SGCZ: variants seen among roughly 807,000 people sequenced by gnomAD.
The protein encoded by SGCZ is zeta-sarcoglycan.
A neutral mutation model predicts 41.3 loss-of-function variants in SGCZ; 40 were observed. The ratio of observed to expected loss-of-function variants is 0.97; its 90% CI spans 0.75 to 1.26. The LOEUF is 1.26. Among genes scored for constraint, SGCZ ranks in the 50% most tolerant of loss-of-function variants. SGCZ has a pLI of 0.00. For synonymous variants in SGCZ, 206 were observed against 137.5 expected, an observed-to-expected ratio of 1.50 and a Z score of -3.49; for missense variants, 552 against 369.8, an observed-to-expected ratio of 1.49 and a Z score of -4.04.
chr8:14,619,650 G>C (rs763007520), intron 1 of SGCZ, among the ~76,000 whole-genome samples: 9 of 151,992 alleles, frequency 5.9e-5, no homozygotes, highest in Non-Finnish European at 1.0e-4. Context: ...ACCAAGAGCA[G>C]ACAAACAGAG....
intron 1 of SGCZ, among the ~76,000 whole-genome samples, chr8:14,883,113 T>G (rs190642758): frequency 2.4e-4 from 36 of 152,156 alleles, no homozygotes; most frequent in Non-Finnish European, 4.6e-4. Context: ...CTTCTCCTGT[T>G]TTAGAGGTAA....
intron 2 of SGCZ, among the ~76,000 whole-genome samples, chr8:14,496,630 T>C (rs1801995772): frequency 6.6e-6 from 1 of 152,166 alleles, no homozygotes; most frequent in Non-Finnish European, 1.5e-5. Context: ...TTGTAGAAAA[T>C]TAATCACATT....
At position 14,193,329 on chromosome 8, in the gene SGCZ, G is replaced by C. The variant is rs560654305; in HGVS notation, c.425-28627C>G. ...CTCCCTCTTTCCTATAAAAAATGCAGCATGCTATTTTTTTTACAATGTTTG... is the reference window on the plus strand; with the variant it reads ...CTCCCTCTTTCCTATAAAAAATGCACCATGCTATTTTTTTTACAATGTTTG... On this transcript the variant is annotated intron_variant, in intron 4 of 7. Coordinates refer to ENST00000382080, the MANE Select transcript of SGCZ (RefSeq NM_139167.4). 2.2e-3 allele frequency among the ~76,000 whole-genome samples: 63 copies of C among 29,158 alleles called. 1 individual carries two copies. Among genetic ancestry groups the C allele is most frequent in the African/African-American group, 7.6e-3 (61 of 8,016 alleles). 19.1% of individuals were successfully genotyped at this position (29,158 alleles called of 152,430 possible).
chr8:14,905,438 G>A (rs986665404), intron 1 of SGCZ, among the ~76,000 whole-genome samples: 2 of 151,762 alleles, frequency 1.3e-5, no homozygotes, highest in African/African-American at 4.8e-5. Context: ...TACTAAGTCC[G>A]AGAGAGAGAG....
intron 1 of SGCZ, among the ~76,000 whole-genome samples, chr8:14,734,140 C>T (rs892994031): frequency 3.9e-5 from 6 of 152,128 alleles, no homozygotes; most frequent in African/African-American, 1.4e-4. Context: ...AGGGCTCTGA[C>T]ATATATTTAG....
chr8:14,699,981 A>G (rs540547358), intron 1 of SGCZ, among the ~76,000 whole-genome samples: 1 of 152,124 alleles, frequency 6.6e-6, no homozygotes, highest in East Asian at 1.9e-4. Context: ...TGCAGAGAAA[A>G]GGGAACTTTT....
intron 1 of SGCZ, among the ~76,000 whole-genome samples, chr8:15,228,448 A>G (rs986449860): frequency 6.6e-6 from 1 of 152,232 alleles, no homozygotes; most frequent in Non-Finnish European, 1.5e-5. Flanking sequence ...ATGAAATACA[A>G]TATATAAAAG....
intron 1 of SGCZ, among the ~76,000 whole-genome samples, chr8:14,623,734 G>A (rs537498388): frequency 1.0e-3 from 155 of 152,044 alleles, no homozygotes; most frequent in Non-Finnish European, 1.8e-3. Flanking sequence ...TGCATTTTCC[G>A]CCTCCCTGCA....
intron 5 of SGCZ, among the ~76,000 whole-genome samples, chr8:14,109,869 T>A (rs1802320651): frequency 6.6e-6 from 1 of 152,130 alleles, no homozygotes; most frequent in African/African-American, 2.4e-5. Context: ...CTGCAGTAAA[T>A]CCCTAAGATT....
intron 2 of SGCZ, among the ~76,000 whole-genome samples, chr8:14,328,326 C>A (rs929309803): frequency 2.0e-5 from 3 of 152,106 alleles, no homozygotes; most frequent in African/African-American, 7.2e-5. Context: ...TGTTAATTTT[C>A]TGTTCAGGAA....
chr8:14,554,746 T>C lies in SGCZ; in HGVS notation c.220A>G (p.Met74Val), dbSNP rs745494429. The C allele has an allele frequency of 6.2e-7, 1 of 1,612,576 alleles. No individual in the cohort carries two copies. Among genetic ancestry groups the C allele is most frequent in the Non-Finnish European group, 8.5e-7 (1 of 1,179,142 alleles). ...LAMTIWILKV[M>V]NFTVDGMGNL... ...GTGGTACTTACCACAGTGAAATTCATAACTTTCAATATCCATATTGTCATG... is the reference window on the plus strand; with the variant it reads ...GTGGTACTTACCACAGTGAAATTCACAACTTTCAATATCCATATTGTCATG... The change falls in exon 2 of 8, where the codon ATG (methionine) becomes GTG (valine). Residue 74 changes from methionine (M) to valine (V), a missense_variant. Physicochemically the swap from Met to Val is conservative, Grantham distance 21 (BLOSUM62 1). Coordinates refer to ENST00000382080, the MANE Select transcript of SGCZ (RefSeq NM_139167.4).
intron 1 of SGCZ, among the ~76,000 whole-genome samples, chr8:15,082,915 A>G (rs1172111445): frequency 6.6e-6 from 1 of 151,970 alleles, no homozygotes; most frequent in African/African-American, 2.4e-5. Context: ...GACAGTATTC[A>G]ATTTTCTAGC....
chr8:14,233,028 G>C (rs984674490), intron 4 of SGCZ, among the ~76,000 whole-genome samples: 1 of 151,954 alleles, frequency 6.6e-6, no homozygotes, highest in Non-Finnish European at 1.5e-5. Context: ...GCCATAATAA[G>C]TATCTCAAAA....
At chr8:15,153,963 G>T (rs1409908464) in intron 1 of SGCZ, among the ~76,000 whole-genome samples, 1 of 152,122 alleles carries the variant, frequency 6.6e-6, no homozygotes, top group Non-Finnish European at 1.5e-5. Context: ...TCAGGCATTA[G>T]ATTCTCATAA....
chr8:14,973,411 C>A (rs537176475), intron 1 of SGCZ, among the ~76,000 whole-genome samples: 2 of 152,240 alleles, frequency 1.3e-5, no homozygotes, highest in East Asian at 3.9e-4. Context: ...TAAGTGGGCC[C>A]ATGCTTTTCT....
intron 4 of SGCZ, among the ~76,000 whole-genome samples, chr8:14,187,049 G>A (rs540274768): frequency 8.5e-5 from 13 of 152,290 alleles, no homozygotes; most frequent in Non-Finnish European, 1.6e-4. Flanking sequence ...CTGGGTCAGG[G>A]AAAGAGAAGT....
intron 2 of SGCZ, among the ~76,000 whole-genome samples, chr8:14,326,831 A>G (rs973123481): frequency 6.6e-6 from 1 of 152,148 alleles, no homozygotes; most frequent in African/African-American, 2.4e-5. Flanking sequence ...TAGACATTCA[A>G]TTACATTACC....
chr8:14,597,717 T>C (rs1805459158), intron 1 of SGCZ, among the ~76,000 whole-genome samples: 1 of 152,204 alleles, frequency 6.6e-6, no homozygotes. Context: ...CTTCAGGTGA[T>C]CCACCTGCCT....
At chr8:14,544,959 G>A (rs926461954) in intron 2 of SGCZ, among the ~76,000 whole-genome samples, 9 of 151,922 alleles carry the variant, frequency 5.9e-5, no homozygotes, top group South Asian at 2.1e-4. Context: ...CCTACTCCCC[G>A]TTCTTACACC....
Sources: gnomAD v4.1 joint callset for allele counts (sites outside exome capture counted in the v4.1 genomes callset) on GRCh38, gnomAD v4.1.1 for gene constraint, MANE v1.5 for transcripts, NCBI Gene and HGNC (gene_info 2026-07-23, HGNC 2026-07-21) for gene names.